The following ATRN variants were observed in gnomAD, a reference collection of about 807,000 sequenced individuals.
The protein encoded by ATRN is attractin-2.
Under a neutral mutation model 178.7 loss-of-function variants are expected in ATRN, and 54 were observed. That is an observed-to-expected ratio of 0.30 (90% CI 0.24 to 0.38). The LOEUF (loss-of-function observed/expected upper bound fraction) is 0.38. Ranked by LOEUF, ATRN falls within the 10% of genes least tolerant of loss-of-function variation. ATRN has a pLI of 1.00. For missense variants in ATRN, 1,443 were observed against 1,815.1 expected, an observed-to-expected ratio of 0.79 and a Z score of 3.73; for synonymous variants, 636 against 663.0, an observed-to-expected ratio of 0.96 and a Z score of 0.63.
intron 1 of ATRN, among the ~76,000 whole-genome samples, chr20:3,492,839 A>G (rs940815604): frequency 1.8e-4 from 24 of 130,686 alleles, no homozygotes; most frequent in Non-Finnish European, 3.1e-4. Context: ...AGAAAGGGAG[A>G]GAGAGAGAGA....
At chr20:3,571,385 A>C (rs529083754) in intron 11 of ATRN, among the ~76,000 whole-genome samples, 1 of 152,248 alleles carries the variant, frequency 6.6e-6, no homozygotes, top group African/African-American at 2.4e-5. Flanking sequence ...TTGCTATTCT[A>C]TCTTTGTGCT....
chr20:3,608,595 GT>G (rs1427445140), intron 24 of ATRN, among the ~76,000 whole-genome samples: 2 of 152,192 alleles, frequency 1.3e-5, no homozygotes, highest in African/African-American at 2.4e-5. Context: ...GTATCATGCT[GT>G]TGTGGGTACT....
chr20:3,534,150 C>T (rs1377046013), intron 1 of ATRN, among the ~76,000 whole-genome samples: 4 of 152,062 alleles, frequency 2.6e-5, no homozygotes, highest in Non-Finnish European at 2.9e-5. Flanking sequence ...ATATGATTCT[C>T]GTGATGGATT....
At chr20:3,553,334 G>T (rs750992998) in intron 6 of ATRN, among the ~76,000 whole-genome samples, 1 of 151,866 alleles carries the variant, frequency 6.6e-6, no homozygotes, top group Non-Finnish European at 1.5e-5. Flanking sequence ...TCTTCTCTTC[G>T]TACCATAATT....
chr20:3,506,949 A>G (rs1017135873), intron 1 of ATRN, among the ~76,000 whole-genome samples: 2 of 152,136 alleles, frequency 1.3e-5, no homozygotes, highest in African/African-American at 2.4e-5. Flanking sequence ...TTAGTTAACT[A>G]TAAGATATGT....
chr20:3,640,232 A>G lies in ATRN; in HGVS notation c.4050+1297A>G, dbSNP rs563626370. Among the ~76,000 whole-genome samples, 3 of 152,354 alleles carry G rather than the reference A, an allele frequency of 2.0e-5. No individual in the cohort carries two copies. In the South Asian group the frequency reaches 6.2e-4, roughly 32 times the overall value. On this transcript the variant is annotated intron_variant, in intron 27 of 28. Transcript: ENST00000262919. ...TTGTTGAAATTTTTTAAATAAATAA[A>G]CTCAATTTACATGTTAAATAGCATA...
intron 1 of ATRN, among the ~76,000 whole-genome samples, chr20:3,478,558 A>T (rs1436183011): frequency 1.3e-5 from 2 of 152,108 alleles, no homozygotes. Context: ...TAGGGGAGGG[A>T]TAGCATTAGG....
At chr20:3,634,789 C>T (rs2087013773) in intron 26 of ATRN, among the ~76,000 whole-genome samples, 1 of 152,148 alleles carries the variant, frequency 6.6e-6, no homozygotes, top group Admixed American at 6.5e-5. Flanking sequence ...GCCATTTAAG[C>T]ATCTCAAAAA....
chr20:3,650,008 A>C lies in ATRN; in HGVS notation c.*3161A>C, dbSNP rs1411485700. 1 of 152,150 alleles carries C rather than the reference A, an allele frequency of 6.6e-6. No individual in the cohort carries two copies. The highest frequency in any genetic ancestry group is 1.5e-5 in the Non-Finnish European group (1 of 68,116). 9.4% of individuals were successfully genotyped at this position (152,150 alleles called of 1,614,324 possible). On this transcript the variant is annotated 3_prime_UTR_variant, in exon 29 of 29. Transcript: ENST00000262919. Reference sequence around the variant, plus strand: ...AGCCTGTGCCTCCCCGTGTGGAGAGAAGGCAACCCCAGATCCCCTGAGCTA... The same window carrying C: ...AGCCTGTGCCTCCCCGTGTGGAGAGCAGGCAACCCCAGATCCCCTGAGCTA...
At chr20:3,476,258 G>A (rs1293290193) in intron 1 of ATRN, among the ~76,000 whole-genome samples, 1 of 152,194 alleles carries the variant, frequency 6.6e-6, no homozygotes, top group East Asian at 1.9e-4. Flanking sequence ...GAGTAAACTT[G>A]GATGTACTGA....
intron 23 of ATRN, 48 bp from the exon 24 acceptor site, chr20:3,604,057 T>C: frequency 6.6e-7 from 1 of 1,509,932 alleles, no homozygotes; most frequent in Non-Finnish European, 8.9e-7. Flanking sequence ...GTTCTCCCCC[T>C]AGCCCCCCAA....
At chr20:3,487,349 T>C (rs949707954) in intron 1 of ATRN, among the ~76,000 whole-genome samples, 1 of 152,102 alleles carries the variant, frequency 6.6e-6, no homozygotes, top group Non-Finnish European at 1.5e-5. Flanking sequence ...TTCTCTACCT[T>C]AGCCTCGCGA....
intron 1 of ATRN, among the ~76,000 whole-genome samples, chr20:3,534,255 A>T (rs1270103984): frequency 6.6e-6 from 1 of 152,210 alleles, no homozygotes; most frequent in Non-Finnish European, 1.5e-5. Context: ...GGTGGTCTCC[A>T]TGGGGCCAAA....
At chr20:3,482,152 CTA>C (rs2084631196) in intron 1 of ATRN, among the ~76,000 whole-genome samples, 1 of 151,654 alleles carries the variant, frequency 6.6e-6, no homozygotes, top group Non-Finnish European at 1.5e-5. Context: ...ATTATAATGT[CTA>C]TTTTAAATAT....
At chr20:3,504,310 G>A (rs2085005956) in intron 1 of ATRN, among the ~76,000 whole-genome samples, 8 of 152,028 alleles carry the variant, frequency 5.3e-5, no homozygotes, top group Admixed American at 5.2e-4. Flanking sequence ...GGAAATGATA[G>A]TAGAAGGAAT....
Position 3,580,270 on chromosome 20 carries a change from A to G in ATRN, c.2544+1498A>G, listed in dbSNP as rs237631. 3.0e-3 allele frequency among the ~76,000 whole-genome samples: 460 copies of G among 152,308 alleles called. 1 individual carries two copies. Among genetic ancestry groups the G allele is most frequent in the Middle Eastern group, 6.8e-3 (2 of 294 alleles). ...CTCTAACAATGACTCTCGAGTCCAC[A>G]GAAGTTAAAAGGGTTCAACCAGGTG... is the stretch of plus-strand genomic sequence containing the variant. On this transcript the variant is annotated intron_variant, in intron 15 of 28. Transcript: ENST00000262919.
chr20:3,601,844 A>G (rs2086613595), intron 23 of ATRN, among the ~76,000 whole-genome samples: 1 of 151,112 alleles, frequency 6.6e-6, no homozygotes, highest in Non-Finnish European at 1.5e-5. Flanking sequence ...AGTGTGGGCA[A>G]ACAGAGCAAG....
In ATRN at chr20:3,634,381, C is replaced by T; in HGVS notation, c.3934C>T (p.Arg1312Cys). The change falls in exon 26 of 29, where the codon CGT becomes TGT. Residue 1312 changes from arginine to cysteine, a missense_variant. By Grantham distance (180) the Arg-to-Cys change is radical (BLOSUM62 -3). Around this residue, in one of 4 missense-constraint regions of ATRN, gnomAD observed 289 missense variants for 440.8 expected, o/e 0.66. Coordinates refer to ENST00000262919, the MANE Select transcript of ATRN (RefSeq NM_139321.3). ...KIKQSCWASR[R>C]REQLLREMQQ... ...CAAACAAAGTTGTTGGGCCTCCAGACGTAGAGAGGTAAGCTTCAGTGGGTA... is the reference window on the plus strand; with the variant it reads ...CAAACAAAGTTGTTGGGCCTCCAGATGTAGAGAGGTAAGCTTCAGTGGGTA... 1.9e-6 allele frequency: 3 copies of T among 1,612,014 alleles called. No homozygotes were observed. Among genetic ancestry groups the T allele is most frequent in the Admixed American group, 1.7e-5 (1 of 59,990 alleles).
intron 1 of ATRN, among the ~76,000 whole-genome samples, chr20:3,502,974 G>T (rs1209683552): frequency 6.6e-6 from 1 of 152,118 alleles, no homozygotes; most frequent in Non-Finnish European, 1.5e-5. Context: ...TGGGTTCAAA[G>T]CTTGCCTTTT....
Sources: gnomAD v4.1 joint callset for allele counts (sites outside exome capture counted in the v4.1 genomes callset) on GRCh38, gnomAD v4.1.1 for gene constraint, gnomAD v4.1.1 regional missense constraint, MANE v1.5 for transcripts, NCBI Gene and HGNC (gene_info 2026-07-23, HGNC 2026-07-21) for gene names.